The following DBNDD1 variants were observed in gnomAD, a reference collection of about 807,000 sequenced individuals.
The protein encoded by DBNDD1 is dysbindin domain-containing protein 1.
In DBNDD1, 14 loss-of-function variants were observed where a neutral mutation model predicts 17.0. The observed-to-expected ratio is 0.82, with a 90% CI of 0.54 to 1.29. The LOEUF (loss-of-function observed/expected upper bound fraction) is 1.29. Among genes scored for constraint, DBNDD1 ranks in the 50% most tolerant of loss-of-function variants. The pLI, the probability that DBNDD1 is intolerant of heterozygous loss-of-function variation, is 0.00. For missense variants in DBNDD1, 221 were observed against 216.2 expected (o/e 1.02, Z -0.14); for synonymous variants, 105 against 102.0 (o/e 1.03, Z -0.18).
chr16:90,011,378 G>A (rs1346934285), intron 1 of DBNDD1, among the ~76,000 whole-genome samples: 6 of 152,234 alleles, frequency 3.9e-5, no homozygotes, highest in African/African-American at 1.4e-4. Flanking sequence ...CAAGGGAGCT[G>A]AGGCCCGCAG....
In DBNDD1 at chr16:90,005,503, A is replaced by G. The variant is rs1051925881; in HGVS notation, c.*832T>C. 4 of 152,200 alleles carry G rather than the reference A, an allele frequency of 2.6e-5. No individual in the cohort carries two copies. The highest frequency in any genetic ancestry group is 9.7e-5 in the African/African-American group (4 of 41,414). The allele number at this position is 152,200 out of a possible 1,614,324, so 9.4% of individuals were successfully genotyped here. A position where few individuals can be genotyped will look rare whatever the true frequency, so the allele number is the denominator to read the frequency against. ...TTTAAGGGCCGTGGGCAGGCCTTGT[A>G]GCCGGGCAATGGGATGTGAGCAGAA... On this transcript the variant is annotated 3_prime_UTR_variant, in exon 4 of 4. Coordinates refer to ENST00000002501, the MANE Select transcript of DBNDD1 (RefSeq NM_001042610.3).
In DBNDD1 at chr16:90,006,244, G is replaced by A. The variant is rs544784811; in HGVS notation, c.*91C>T. On this transcript the variant is annotated 3_prime_UTR_variant, in exon 4 of 4. Coordinates refer to ENST00000002501, the MANE Select transcript of DBNDD1 (RefSeq NM_001042610.3). Reference sequence around the variant, plus strand: ...AGGTGACGGCTGGAGCCTCGTGGGCGGGTGAAGTGTGTCTGCTGGGTCAGC... The same window carrying A: ...AGGTGACGGCTGGAGCCTCGTGGGCAGGTGAAGTGTGTCTGCTGGGTCAGC... 84 of 1,462,946 alleles carry A rather than the reference G, an allele frequency of 5.7e-5. No individual in the cohort carries two copies. The highest frequency in any genetic ancestry group is 5.8e-5 in the Non-Finnish European group (63 of 1,094,584). The allele number at this position is 1,462,946 out of a possible 1,614,324, so 90.6% of individuals were successfully genotyped here. A position where few individuals can be genotyped will look rare whatever the true frequency, so the allele number is the denominator to read the frequency against.
chr16:90,014,036 A>G (rs1428062874), intron 1 of DBNDD1, among the ~76,000 whole-genome samples: 1 of 151,864 alleles, frequency 6.6e-6, no homozygotes, highest in East Asian at 1.9e-4. Flanking sequence ...GATCGTCAGG[A>G]CTTTGGTTTC....
At chr16:90,009,998 C>T (rs200705215) in intron 1 of DBNDD1, 108 of 1,614,078 alleles carry the variant, frequency 6.7e-5, no homozygotes, top group Non-Finnish European at 8.9e-5. Context: ...ATCCCTTAGC[C>T]ACCAACCATG....
At chr16:90,019,657 C>A, upstream of DBNDD1, 5 of 444,854 alleles carry the variant, frequency 1.1e-5, 1 homozygote, top group South Asian at 2.4e-4. This position sits in a 1 kb window ranked among gnomAD's most constrained non-coding sequence, Gnocchi z 6.1. Context: ...CGCGCCCCGC[C>A]GCGGACACCA....
chr16:90,014,051 C>T (rs953867784), intron 1 of DBNDD1, among the ~76,000 whole-genome samples: 6 of 151,904 alleles, frequency 3.9e-5, no homozygotes, highest in East Asian at 1.9e-4. Context: ...GGTTTCTATA[C>T]TGAGTAAGCT....
chr16:90,012,244 A>G (rs907375673), intron 1 of DBNDD1, among the ~76,000 whole-genome samples: 5 of 152,162 alleles, frequency 3.3e-5, no homozygotes, highest in African/African-American at 1.2e-4. Flanking sequence ...TGGGGAACCA[A>G]GGTGCAGGGA....
At chr16:90,017,471 G>A (rs996232799) in intron 1 of DBNDD1, among the ~76,000 whole-genome samples, 4 of 150,982 alleles carry the variant, frequency 2.6e-5, no homozygotes, top group Non-Finnish European at 5.9e-5. Flanking sequence ...CTCCGGCCTG[G>A]GCAACAGAGC....
chr16:90,009,161 C>G, intron 2 of DBNDD1, 123 bp downstream of exon 2: 1 of 1,424,184 alleles, frequency 7.0e-7, no homozygotes, highest in Non-Finnish European at 9.4e-7. Context: ...AAGAGCCTAG[C>G]ACACAGCGCC....
At chr16:90,007,242 C>G (rs2151259280) in intron 3 of DBNDD1, 1 of 152,636 alleles carries the variant, frequency 6.6e-6, no homozygotes, top group African/African-American at 2.4e-5. Flanking sequence ...GGCCGACACC[C>G]CTTCCTGACA....
rs935571101 is a variant in DBNDD1, at chr16:90,010,027, A to G, written c.32-597T>C. On this transcript the variant is annotated intron_variant, in intron 1 of 3. Transcript: ENST00000002501. ...AACCATGCCTCACAGTTGAGCAAATATTCTTCCAGGTTTCTCCCATGTTTA... is the reference window on the plus strand; with the variant it reads ...AACCATGCCTCACAGTTGAGCAAATGTTCTTCCAGGTTTCTCCCATGTTTA... 5.0e-6 allele frequency: 8 copies of G among 1,613,996 alleles called. No homozygotes were observed. In the Admixed American group the frequency reaches 1.2e-4, roughly 24 times the overall value.
rs2035412376 is a variant in DBNDD1, at chr16:90,005,855, C to T, written c.*480G>A. 6.2e-6 allele frequency: 1 copy of T among 161,422 alleles called. No homozygotes were observed. The highest frequency in any genetic ancestry group is 2.4e-5 in the African/African-American group (1 of 41,882). 10.0% of individuals were successfully genotyped at this position (161,422 alleles called of 1,614,324 possible). On this transcript the variant is annotated 3_prime_UTR_variant, in exon 4 of 4. Transcript: ENST00000002501. ...CATTGTCCCATTAGCCACTACCAAACCCGCCTCTGGCTTCTGAGCTTGGCA... is the reference window on the plus strand; with the variant it reads ...CATTGTCCCATTAGCCACTACCAAATCCGCCTCTGGCTTCTGAGCTTGGCA...
At position 90,008,781 on chromosome 16, in the gene DBNDD1, C is replaced by T. The variant is rs2035490219; in HGVS notation, c.319+3G>A. 1 of 1,592,208 alleles carries T rather than the reference C, an allele frequency of 6.3e-7. No homozygotes were observed. Among genetic ancestry groups the T allele is most frequent in the Non-Finnish European group, 8.6e-7 (1 of 1,165,316 alleles). ...CCCAGCCCAGCCCTGATGCCGGCCT[C>T]ACCTGCTGGGGACTCGGTGTTGAGG... On this transcript the variant is annotated splice_donor_region_variant and intron_variant, in intron 3 of 3. Coordinates refer to ENST00000002501, the MANE Select transcript of DBNDD1 (RefSeq NM_001042610.3).
At chr16:90,009,108 A>C (rs1366504913) in intron 2 of DBNDD1, 176 bp downstream of exon 2, 21 of 1,223,170 alleles carry the variant, frequency 1.7e-5, no homozygotes, top group Non-Finnish European at 2.2e-5. Context: ...GAAGGCTTTC[A>C]CTTGACAGAT....
chr16:90,013,762 G>A (rs745736836), intron 1 of DBNDD1, among the ~76,000 whole-genome samples: 26 of 152,180 alleles, frequency 1.7e-4, no homozygotes, highest in Non-Finnish European at 2.8e-4. Context: ...CTGTTCTGGG[G>A]ACATGGCATA....
intron 1 of DBNDD1, among the ~76,000 whole-genome samples, chr16:90,016,541 C>A (rs193124582): frequency 5.0e-4 from 76 of 152,302 alleles, no homozygotes; most frequent in African/African-American, 1.7e-3. Context: ...TACCCCAGCA[C>A]AGCCCCTATC....
intron 1 of DBNDD1, among the ~76,000 whole-genome samples, chr16:90,011,372 G>A (rs1288128634): frequency 1.3e-5 from 2 of 152,224 alleles, no homozygotes; most frequent in Non-Finnish European, 2.9e-5. Flanking sequence ...CAGAGCCAAG[G>A]GAGCTGAGGC....
chr16:90,019,632 C>A (rs1466742867), upstream of DBNDD1: 1 of 416,080 alleles, frequency 2.4e-6, no homozygotes, highest in East Asian at 3.7e-5. This position sits in a 1 kb window ranked among gnomAD's most constrained non-coding sequence, Gnocchi z 6.1. Flanking sequence ...CCCCGCCGAC[C>A]CTTCCCTCGC....
At chr16:90,008,736 T>G (rs995789903) in intron 3 of DBNDD1, 48 bp downstream of exon 3, 1 of 1,564,790 alleles carries the variant, frequency 6.4e-7, no homozygotes, top group African/African-American at 1.3e-5. Flanking sequence ...CCAAGGGGCC[T>G]CAGCCCACCA....
Sources: allele counts gnomAD v4.1 joint callset (sites outside exome capture counted in the v4.1 genomes callset), GRCh38; gene constraint gnomAD v4.1.1; non-coding constraint Gnocchi (gnomAD v3.1); transcripts MANE v1.5; gene names NCBI Gene and HGNC (gene_info 2026-07-23, HGNC 2026-07-21).